The following ZNF385D variants were observed in gnomAD, a reference collection of about 807,000 sequenced individuals.
ZNF385D encodes zinc finger protein 385D.
In ZNF385D, 15 loss-of-function variants were observed where a neutral mutation model predicts 35.8. That is an observed-to-expected ratio of 0.42 (90% CI 0.28 to 0.64). ZNF385D has a LOEUF of 0.64. Among genes scored for constraint, ZNF385D ranks in the 30% least tolerant of loss-of-function variants. ZNF385D has a pLI of 0.23. For synonymous variants in ZNF385D, 212 were observed against 186.8 expected, an observed-to-expected ratio of 1.13 and a Z score of -1.10; for missense variants, 474 against 494.6, an observed-to-expected ratio of 0.96 and a Z score of 0.39.
At chr3:22,141,385 T>G (rs1277623489) in intron 3 of ZNF385D, among the ~76,000 whole-genome samples, 2 of 152,192 alleles carry the variant, frequency 1.3e-5, no homozygotes, top group Non-Finnish European at 2.9e-5. Flanking sequence ...TCATTTGAAA[T>G]GTACACTTTG....
rs1333787286 is a variant in ZNF385D at position 21,664,926 on chromosome 3, TC to T, written c.124del (p.Asp42ThrfsTer22). 6.2e-7 allele frequency: 1 copy of T among 1,613,556 alleles called. No individual in the cohort carries two copies. Among genetic ancestry groups the T allele is most frequent in the Non-Finnish European group, 8.5e-7 (1 of 1,179,740 alleles). On this transcript the variant is annotated frameshift_variant, in exon 2 of 8. Coordinates refer to ENST00000281523, the MANE Select transcript of ZNF385D (RefSeq NM_024697.3). LOFTEE classifies it high-confidence loss of function. Reference sequence around the variant, plus strand: ...GAAGAGGTTGACTGCAGCTGCAGTGTCAAGAGGAAAGGGAAGAAATGGTTTA... The same window carrying T: ...GAAGAGGTTGACTGCAGCTGCAGTGTAAGAGGAAAGGGAAGAAATGGTTTA... ...DIKPFLPFPL[D>X]TAAAVNLFPN...
chr3:22,123,942 CTCTCTCTCTCTCTCTCTCTCTATATATA>C (rs1208778162), intron 3 of ZNF385D, among the ~76,000 whole-genome samples: 1 of 98,750 alleles, frequency 1.0e-5, no homozygotes, highest in East Asian at 3.1e-4. Flanking sequence ...CTCTCTCTCT[CTCTCTCTCTCTCTCTCTCTCTATATATA>C]TATATATATA....
At chr3:21,447,999 T>C (rs1167682971) in intron 4 of ZNF385D, among the ~76,000 whole-genome samples, 1 of 152,192 alleles carries the variant, frequency 6.6e-6, no homozygotes, top group Admixed American at 6.5e-5. Context: ...AGGCATTTTG[T>C]TGTATGTGCA....
At position 22,329,097 on chromosome 3, in the gene ZNF385D, A is replaced by G. The variant is rs1694815657; in HGVS notation, c.106+43353T>C. ...GTCTCAAAAAAAAAAAAAAAAAAAA[A>G]GAGTTTATTAAAGTTGCTCATATCA... is the stretch of plus-strand genomic sequence containing the variant. On this transcript the variant is annotated intron_variant, in intron 2 of 5. Coordinates refer to the ZNF385D transcript ENST00000494108. 4.6e-5 allele frequency among the ~76,000 whole-genome samples: 7 copies of G among 150,576 alleles called. No homozygotes were observed. In the South Asian group the frequency reaches 1.5e-3, roughly 32 times the overall value.
intron 3 of ZNF385D, among the ~76,000 whole-genome samples, chr3:21,965,704 A>G (rs754275719): frequency 5.3e-5 from 8 of 152,234 alleles, no homozygotes; most frequent in Non-Finnish European, 1.0e-4. Flanking sequence ...TGGCAATGTT[A>G]TATCAACATT....
At chr3:21,715,544 G>C (rs2068283689) in intron 1 of ZNF385D, among the ~76,000 whole-genome samples, 1 of 152,044 alleles carries the variant, frequency 6.6e-6, no homozygotes, top group Non-Finnish European at 1.5e-5. Context: ...ATTTTGAATA[G>C]TGCTGCAAGA....
At chr3:21,572,427 A>G (rs1160957876) in intron 2 of ZNF385D, among the ~76,000 whole-genome samples, 1 of 152,184 alleles carries the variant, frequency 6.6e-6, no homozygotes, top group East Asian at 1.9e-4. Flanking sequence ...TCCCTAAATG[A>G]TTGTATTGAT....
rs570769967 is a variant in ZNF385D, at chr3:21,909,436, A to C, written c.326-244408T>G. On this transcript the variant is annotated intron_variant, in intron 3 of 5. Transcript: ENST00000494108. The stretch of plus-strand genomic sequence containing the variant: ...ATATGACTGATAATAACATCAGAGA[A>C]GCCTGTTCTCTCAGCTTATGTGCAG... Among the ~76,000 whole-genome samples the C allele has an allele frequency of 6.6e-5, 10 of 152,236 alleles. No homozygotes were observed. In the East Asian group the frequency reaches 1.9e-3, roughly 29 times the overall value.
At chr3:22,152,980 G>A (rs917462930) in intron 3 of ZNF385D, among the ~76,000 whole-genome samples, 4 of 152,126 alleles carry the variant, frequency 2.6e-5, no homozygotes, top group Admixed American at 6.5e-5. Flanking sequence ...CTTCCCTGAT[G>A]ACACATTGGT....
intron 3 of ZNF385D, among the ~76,000 whole-genome samples, chr3:21,759,257 C>A (rs922969041): frequency 3.9e-5 from 6 of 152,046 alleles, no homozygotes; most frequent in Admixed American, 6.5e-5. Flanking sequence ...TAAGCCCTGT[C>A]TTTAATATTG....
At chr3:22,096,546 T>A (rs2125614391) in intron 3 of ZNF385D, among the ~76,000 whole-genome samples, 1 of 152,194 alleles carries the variant, frequency 6.6e-6, no homozygotes, top group African/African-American at 2.4e-5. Flanking sequence ...TACGAATACT[T>A]GAGACTTTCT....
At chr3:21,903,662 G>T (rs986779757) in intron 3 of ZNF385D, among the ~76,000 whole-genome samples, 2 of 152,064 alleles carry the variant, frequency 1.3e-5, no homozygotes, top group African/African-American at 4.8e-5. Flanking sequence ...TACAGAAATC[G>T]TATCTCAATA....
intron 3 of ZNF385D, among the ~76,000 whole-genome samples, chr3:21,936,186 T>G (rs1701247055): frequency 2.0e-5 from 3 of 152,072 alleles, no homozygotes; most frequent in Non-Finnish European, 4.4e-5. Flanking sequence ...ACTACAAGAA[T>G]GTAGTTTTAT....
chr3:22,287,758 C>A (rs1364468490), intron 2 of ZNF385D, among the ~76,000 whole-genome samples: 1 of 151,946 alleles, frequency 6.6e-6, no homozygotes, highest in Non-Finnish European at 1.5e-5. Context: ...TTCCTTTTAG[C>A]CTTCATACTA....
intron 3 of ZNF385D, among the ~76,000 whole-genome samples, chr3:21,998,092 C>A (rs1695597701): frequency 6.6e-6 from 1 of 152,020 alleles, no homozygotes; most frequent in Non-Finnish European, 1.5e-5. Context: ...AGTGCCATGC[C>A]AATATACAAA....
intron 3 of ZNF385D, among the ~76,000 whole-genome samples, chr3:21,766,628 T>A (rs2070842160): frequency 6.6e-6 from 1 of 152,134 alleles, no homozygotes; most frequent in Admixed American, 6.6e-5. Flanking sequence ...TAAACCAGTA[T>A]TCAAGGCCCA....
intron 2 of ZNF385D, among the ~76,000 whole-genome samples, chr3:22,171,515 T>C (rs1057091777): frequency 2.6e-5 from 4 of 152,152 alleles, no homozygotes; most frequent in African/African-American, 9.6e-5. Flanking sequence ...AAATAGAAAA[T>C]ATGTGGTATT....
chr3:21,560,984 A>AG (rs2062923575), intron 3 of ZNF385D, among the ~76,000 whole-genome samples: 2 of 152,018 alleles, frequency 1.3e-5, no homozygotes, highest in Admixed American at 1.3e-4. Flanking sequence ...GCAATGGTGG[A>AG]CACCCCTCCC....
chr3:22,082,168 T>C (rs988609608), intron 3 of ZNF385D, among the ~76,000 whole-genome samples: 1 of 152,094 alleles, frequency 6.6e-6, no homozygotes, highest in South Asian at 2.1e-4. Flanking sequence ...GCATTTCCAA[T>C]TGAGGCACCT....
Sources: gnomAD v4.1 joint callset for allele counts (sites outside exome capture counted in the v4.1 genomes callset) on GRCh38, gnomAD v4.1.1 for gene constraint, MANE v1.5 for transcripts, NCBI Gene and HGNC (gene_info 2026-07-23, HGNC 2026-07-21) for gene names.